The following EIF3B variants were observed in gnomAD, a reference collection of about 807,000 sequenced individuals.
The protein encoded by EIF3B is eukaryotic translation initiation factor 3 subunit 9.
EIF3B carries 10 observed loss-of-function variants against 104.6 expected under a neutral mutation model. That is an observed-to-expected ratio of 0.10 (90% CI 0.06 to 0.16). The LOEUF is 0.16. EIF3B is among the 10% of genes least tolerant of loss of function. EIF3B has a pLI of 1.00. For missense variants in EIF3B, 1,014 were observed against 1,087.9 expected (o/e 0.93, Z 0.96); for synonymous variants, 542 against 417.2 (o/e 1.30, Z -3.65).
At chr7:2,376,901 G>T in intron 14 of EIF3B, 49 bp from the exon 15 acceptor site, 2 of 1,583,372 alleles carry the variant, frequency 1.3e-6, no homozygotes, top group Non-Finnish European at 1.7e-6. Context: ...AGTCACGGTT[G>T]TGGCTCTCTG....
At chr7:2,364,329 TGC>T (rs1779892073) in intron 5 of EIF3B, 41 bp from the exon 6 acceptor site, 1 of 1,527,226 alleles carries the variant, frequency 6.5e-7, no homozygotes, top group Admixed American at 2.3e-5. Flanking sequence ...TCTTTGTGTT[TGC>T]CATTTTGTTG....
chr7:2,376,735 C>T (rs916481498), intron 14 of EIF3B: 3 of 588,044 alleles, frequency 5.1e-6, no homozygotes, highest in South Asian at 2.2e-5. Flanking sequence ...ATGAGCGCTG[C>T]TCCAGCTGCT....
intron 10 of EIF3B, 101 bp from the exon 11 acceptor site, chr7:2,371,676 T>C (rs1056170560): frequency 2.4e-5 from 22 of 917,860 alleles, no homozygotes; most frequent in Middle Eastern, 2.1e-4. Context: ...GAACCAGGCA[T>C]GCACACTGAA....
chr7:2,362,917 C>T, intron 3 of EIF3B, 153 bp downstream of exon 3: 1 of 1,436,376 alleles, frequency 7.0e-7, no homozygotes. Context: ...AGCCCTGCCC[C>T]ACACTTCTGG....
Position 2,368,989 on chromosome 7 carries a change from T to C in EIF3B, c.1404-483T>C, listed in dbSNP as rs114520745. ...GTAGGTGAGCTCAGGAGCCGTTCGTTACAGCAGCTCTTCTGTAGAGTAGTT... is the reference window on the plus strand; with the variant it reads ...GTAGGTGAGCTCAGGAGCCGTTCGTCACAGCAGCTCTTCTGTAGAGTAGTT... On this transcript the variant is annotated intron_variant, in intron 9 of 18. Transcript: ENST00000360876. Among the ~76,000 whole-genome samples the C allele has an allele frequency of 4.2e-3, 646 of 152,366 alleles. 4 individuals are homozygous for C. Among genetic ancestry groups the C allele is most frequent in the African/African-American group, 0.014 (603 of 41,594 alleles).
At chr7:2,357,137 A>T (rs922002280) in intron 1 of EIF3B, among the ~76,000 whole-genome samples, 2 of 152,224 alleles carry the variant, frequency 1.3e-5, no homozygotes, top group Non-Finnish European at 2.9e-5. Flanking sequence ...CTACTTTTTT[A>T]AAAAGCATTA....
chr7:2,374,707 T>C, intron 13 of EIF3B, 101 bp downstream of exon 13: 1 of 1,121,428 alleles, frequency 8.9e-7, no homozygotes, highest in East Asian at 2.4e-5. Flanking sequence ...AGAGAGAGTA[T>C]TGTGCGCTGA....
At chr7:2,365,050 C>G (rs1437511543) in intron 6 of EIF3B, among the ~76,000 whole-genome samples, 1 of 152,246 alleles carries the variant, frequency 6.6e-6, no homozygotes, top group Non-Finnish European at 1.5e-5. Context: ...CCTCCCAGGT[C>G]AAGCGGTTCT....
chr7:2,369,965 CAG>C (rs1780236820), intron 10 of EIF3B, among the ~76,000 whole-genome samples: 1 of 151,620 alleles, frequency 6.6e-6, no homozygotes, highest in African/African-American at 2.4e-5. Context: ...TTATTAGAGA[CAG>C]GGTTTCACCA....
rs751195596 is a variant in EIF3B, at chr7:2,355,261, G to T, written c.340G>T (p.Asp114Tyr). Residue 114 changes from aspartate to tyrosine, a missense_variant, in exon 1 of 19, where the codon GAC becomes TAC. Asp to Tyr is a radical substitution (Grantham distance 160). Coordinates refer to ENST00000360876, the MANE Select transcript of EIF3B (RefSeq NM_001037283.2). ...QGEAPGEQAR[D>Y]ERSDSRAQAV... The stretch of plus-strand genomic sequence containing the variant: ...CGAGGCCCCAGGAGAGCAGGCTCGG[G>T]ACGAGCGCTCCGACAGCCGGGCCCA... The T allele has an allele frequency of 2.6e-6, 4 of 1,531,172 alleles. No homozygotes were observed. The Admixed American group carries it at 7.9e-5, about 30-fold the overall frequency. 94.8% of individuals were successfully genotyped at this position (1,531,172 alleles called of 1,614,324 possible).
At chr7:2,374,463 G>A in intron 12 of EIF3B, 65 bp from the exon 13 acceptor site, 4 of 1,545,630 alleles carry the variant, frequency 2.6e-6, no homozygotes, top group Non-Finnish European at 3.6e-6. Flanking sequence ...AAGTCCTCCA[G>A]CCTTGGCTGC....
intron 6 of EIF3B, among the ~76,000 whole-genome samples, chr7:2,364,858 C>A (rs1024077320): frequency 6.6e-6 from 1 of 152,182 alleles, no homozygotes; most frequent in Non-Finnish European, 1.5e-5. Flanking sequence ...TTTAATACTT[C>A]AATGTATTGC....
intron 12 of EIF3B, chr7:2,373,430 G>C (rs1436379598): frequency 6.6e-6 from 1 of 152,498 alleles, no homozygotes; most frequent in Non-Finnish European, 1.5e-5. Flanking sequence ...GCCAGGAGGT[G>C]GCGATGGGCT....
At chr7:2,361,011 G>A in intron 2 of EIF3B, 109 bp downstream of exon 2, 7 of 849,854 alleles carry the variant, frequency 8.2e-6, no homozygotes, top group South Asian at 1.9e-5. Context: ...CAGGCACGTG[G>A]GCCGTTCACT....
At chr7:2,355,568 G>A (rs1208199343) in intron 1 of EIF3B, 148 bp downstream of exon 1, 2 of 1,165,520 alleles carry the variant, frequency 1.7e-6, no homozygotes, top group Non-Finnish European at 2.3e-6. Flanking sequence ...CCGAGGGAGG[G>A]GTTCCCGAGT....
At chr7:2,354,583 G>A (rs879252036), upstream of EIF3B, among the ~76,000 whole-genome samples, 1 of 152,168 alleles carries the variant, frequency 6.6e-6, no homozygotes, top group East Asian at 1.9e-4. Context: ...GGGGGAGGAC[G>A]CCATGTTGGA....
intron 9 of EIF3B, 57 bp downstream of exon 9, chr7:2,367,102 C>CAAAAAAA (rs60382761): frequency 1.3e-6 from 1 of 784,920 alleles, no homozygotes. Context: ...AACACAATAC[C>CAAAAAAA]AAAAAAAAAA....
At chr7:2,367,523 G>A (rs1378820206) in intron 9 of EIF3B, among the ~76,000 whole-genome samples, 3 of 152,222 alleles carry the variant, frequency 2.0e-5, no homozygotes, top group African/African-American at 7.2e-5. Flanking sequence ...AGGCTGGAGT[G>A]CAGTGATACG....
chr7:2,375,071 A>G (rs373762090), intron 13 of EIF3B: 16 of 401,338 alleles, frequency 4.0e-5, no homozygotes, highest in African/African-American at 3.2e-4. Context: ...GCTCTGAGTT[A>G]AAAGAATACC....
Sources: gnomAD v4.1 joint callset for allele counts (sites outside exome capture counted in the v4.1 genomes callset) on GRCh38, gnomAD v4.1.1 for gene constraint, MANE v1.5 for transcripts, NCBI Gene and HGNC (gene_info 2026-07-23, HGNC 2026-07-21) for gene names.